NPAS3: variants seen among roughly 807,000 people sequenced by gnomAD.
NPAS3 encodes neuronal PAS domain protein 3, also known as neuronal PAS domain-containing protein 3.
A neutral mutation model predicts 73.1 loss-of-function variants in NPAS3; 14 were observed. The observed-to-expected ratio is 0.19, with a 90% confidence interval of 0.13 to 0.30. The LOEUF is 0.30. NPAS3 is among the 10% of genes least tolerant of loss of function. The probability of loss-of-function intolerance (pLI) is 1.00; values close to 1 mark genes in which losing one functional copy is unlikely to be tolerated. For synonymous variants in NPAS3, 620 were observed against 541.5 expected, an observed-to-expected ratio of 1.14 and a Z score of -2.01; for missense variants, 1,096 against 1,250.0, an observed-to-expected ratio of 0.88 and a Z score of 1.86.
At chr14:33,715,108 A>T (rs1033407457) in intron 6 of NPAS3, among the ~76,000 whole-genome samples, 2 of 152,192 alleles carry the variant, frequency 1.3e-5, no homozygotes, top group Non-Finnish European at 2.9e-5. Flanking sequence ...ATGTTTTTAT[A>T]GCTTGAGCCA....
chr14:33,319,917 G>A (rs2043366027), intron 3 of NPAS3, among the ~76,000 whole-genome samples: 1 of 152,122 alleles, frequency 6.6e-6, no homozygotes, highest in Non-Finnish European at 1.5e-5. Context: ...GCACGTGGTA[G>A]GTATTCAAGA....
intron 3 of NPAS3, among the ~76,000 whole-genome samples, chr14:33,264,130 G>A (rs1398744014): frequency 6.6e-6 from 1 of 152,112 alleles, no homozygotes; most frequent in Non-Finnish European, 1.5e-5. Flanking sequence ...TAGAGACATG[G>A]ATGAAGCTGG....
intron 5 of NPAS3, among the ~76,000 whole-genome samples, chr14:33,673,627 A>G (rs566833244): frequency 1.3e-5 from 2 of 152,358 alleles, no homozygotes; most frequent in South Asian, 4.1e-4. Flanking sequence ...GATTTTCAAA[A>G]TTAGGCTGAG....
chr14:33,423,671 G>A (rs1017352170), intron 4 of NPAS3, among the ~76,000 whole-genome samples: 6 of 151,868 alleles, frequency 4.0e-5, no homozygotes, highest in Admixed American at 3.3e-4. Flanking sequence ...GATTCATTGG[G>A]AACAAGAAGA....
chr14:33,360,590 A>T (rs1266748027), intron 3 of NPAS3, among the ~76,000 whole-genome samples: 2 of 152,234 alleles, frequency 1.3e-5, no homozygotes, highest in African/African-American at 4.8e-5. Context: ...TACTTAGGAA[A>T]GCCTTGGATG....
intron 4 of NPAS3, among the ~76,000 whole-genome samples, chr14:33,505,979 C>T (rs2139961698): frequency 6.6e-6 from 1 of 152,038 alleles, no homozygotes; most frequent in East Asian, 1.9e-4. Flanking sequence ...TCCTCCAGCC[C>T]CATATCCACG....
intron 4 of NPAS3, among the ~76,000 whole-genome samples, chr14:33,451,770 G>A (rs2139389760): frequency 6.6e-6 from 1 of 152,222 alleles, no homozygotes; most frequent in East Asian, 1.9e-4. Context: ...GTAGAGAAAG[G>A]ATGTAAGTCT....
chr14:33,076,120 A>C (rs2041650004), intron 2 of NPAS3, among the ~76,000 whole-genome samples: 1 of 152,164 alleles, frequency 6.6e-6, no homozygotes, highest in South Asian at 2.1e-4. Context: ...CTCTCACAAA[A>C]CCTGAAAACA....
chr14:33,361,690 A>T (rs118052183), intron 3 of NPAS3, among the ~76,000 whole-genome samples: 309 of 152,334 alleles, frequency 2.0e-3, no homozygotes, highest in Non-Finnish European at 3.4e-3. Context: ...TTATTGGATT[A>T]AATATTCTTT....
intron 2 of NPAS3, among the ~76,000 whole-genome samples, chr14:33,173,705 G>A (rs978860678): frequency 2.8e-4 from 43 of 152,260 alleles, no homozygotes; most frequent in African/African-American, 9.6e-4. Context: ...CTTTGAATGT[G>A]CTTTTATTCT....
chr14:33,605,053 G>C lies in NPAS3; in HGVS notation c.558+44843G>C, dbSNP rs556155328. Among the ~76,000 whole-genome samples, 7 of 152,044 alleles carry C rather than the reference G, an allele frequency of 4.6e-5. No homozygotes were observed. The South Asian group carries it at 1.2e-3, about 27-fold the overall frequency. ...AAGAACAAGAAATTAAATCTAAAAT[G>C]AGTAGAGGAATAGAAATAATTAAGA... On this transcript the variant is annotated intron_variant, in intron 5 of 11. Transcript: ENST00000356141.
intron 4 of NPAS3, among the ~76,000 whole-genome samples, chr14:33,499,512 G>A (rs141860352): frequency 3.9e-4 from 59 of 151,952 alleles, no homozygotes; most frequent in African/African-American, 1.4e-3. Flanking sequence ...TCAGCCAACT[G>A]ATGAAAGACA....
At chr14:33,172,253 C>A (rs2045419127) in intron 2 of NPAS3, among the ~76,000 whole-genome samples, 1 of 152,184 alleles carries the variant, frequency 6.6e-6, no homozygotes. Context: ...TTGCCACAAA[C>A]CTTCCATTTG....
chr14:33,535,197 T>G (rs1208475270), intron 4 of NPAS3, among the ~76,000 whole-genome samples: 1 of 152,100 alleles, frequency 6.6e-6, no homozygotes, highest in Non-Finnish European at 1.5e-5. Context: ...ACTTACACCT[T>G]TACTAAAAGA....
At chr14:33,613,442 C>G (rs1355639186) in intron 5 of NPAS3, among the ~76,000 whole-genome samples, 1 of 152,132 alleles carries the variant, frequency 6.6e-6, no homozygotes, top group Non-Finnish European at 1.5e-5. Context: ...GCCTAATATT[C>G]CAGGATTTCC....
At chr14:33,055,979 A>C in exon 2 of NPAS3, 8 of 810,288 alleles carry the variant, frequency 9.9e-6, no homozygotes, top group Non-Finnish European at 1.7e-5. Context: ...ATCTACTGTG[A>C]ATCTACCTAC....
intron 4 of NPAS3, among the ~76,000 whole-genome samples, chr14:33,382,718 A>G (rs577468441): frequency 2.0e-5 from 3 of 152,312 alleles, no homozygotes; most frequent in African/African-American, 7.2e-5. Flanking sequence ...GACAGGACCT[A>G]AAATTCCAAT....
chr14:33,722,279 C>T (rs1457005636), intron 6 of NPAS3, among the ~76,000 whole-genome samples: 1 of 152,100 alleles, frequency 6.6e-6, no homozygotes, highest in Non-Finnish European at 1.5e-5. Context: ...TTGTTTTGCC[C>T]ATGGTTTGAG....
chr14:33,178,070 A>ATTTTTTTTTTTTTTTTTTTTTTTTTTT (rs780708461), intron 2 of NPAS3, among the ~76,000 whole-genome samples: 1 of 123,868 alleles, frequency 8.1e-6, no homozygotes. Context: ...ATTGAAGTGA[A>ATTTTTTTTTTTTTTTTTTTTTTTTTTT]TTTTTTTTGT....
Sources: allele counts gnomAD v4.1 joint callset (sites outside exome capture counted in the v4.1 genomes callset), GRCh38; gene constraint gnomAD v4.1.1; transcripts MANE v1.5; gene names NCBI Gene and HGNC (gene_info 2026-07-23, HGNC 2026-07-21).